PIWIL2: variants seen among roughly 807,000 people sequenced by gnomAD.
The protein encoded by PIWIL2 is piwi like RNA-mediated gene silencing 2.
Under a neutral mutation model 116.5 loss-of-function variants are expected in PIWIL2, and 81 were observed. The observed-to-expected ratio is 0.70, with a 90% CI of 0.58 to 0.84. The LOEUF is 0.84. Among genes scored for constraint, PIWIL2 ranks in the 40% least tolerant of loss-of-function variants. PIWIL2 has a pLI of 0.00. For missense variants in PIWIL2, 1,272 were observed against 1,212.3 expected, an observed-to-expected ratio of 1.05 and a Z score of -0.73; for synonymous variants, 489 against 429.5, an observed-to-expected ratio of 1.14 and a Z score of -1.71.
Position 22,280,499 on chromosome 8 carries a change from A to G in PIWIL2, c.199-621A>G, listed in dbSNP as rs191549439. Among the ~76,000 whole-genome samples, 246 of 152,366 alleles carry G rather than the reference A, an allele frequency of 1.6e-3. 1 individual carries two copies. Among genetic ancestry groups the G allele is most frequent in the Admixed American group, 3.7e-3 (56 of 15,308 alleles). On this transcript the variant is annotated intron_variant, in intron 2 of 22. Coordinates refer to ENST00000356766, the MANE Select transcript of PIWIL2 (RefSeq NM_018068.5). ...TATGATTATTTTAAGTAGAGTTTAC[A>G]TTTGTCAAATGTATTATTTTTATAA...
chr8:22,347,187 A>C (rs937362087), intron 20 of PIWIL2, among the ~76,000 whole-genome samples: 25 of 149,992 alleles, frequency 1.7e-4, no homozygotes, highest in Non-Finnish European at 3.0e-4. Context: ...AAAAAAAAAA[A>C]GTAGCAAATT....
At chr8:22,332,189 C>T (rs1300832449) in intron 20 of PIWIL2, among the ~76,000 whole-genome samples, 1 of 152,110 alleles carries the variant, frequency 6.6e-6, no homozygotes, top group Non-Finnish European at 1.5e-5. Context: ...CCTGTAATCC[C>T]AGCTTCTCAG....
intron 10 of PIWIL2, among the ~76,000 whole-genome samples, chr8:22,297,106 A>G (rs1359302520): frequency 1.3e-5 from 2 of 151,818 alleles, no homozygotes; most frequent in Non-Finnish European, 2.9e-5. Context: ...CTCCCACCTC[A>G]GTCTCCCAAG....
chr8:22,347,013 AT>A (rs1036464565), intron 20 of PIWIL2, among the ~76,000 whole-genome samples: 34 of 151,896 alleles, frequency 2.2e-4, no homozygotes, highest in African/African-American at 7.3e-4. Flanking sequence ...GTATAAAAAA[AT>A]TTTTAAGTTA....
intron 20 of PIWIL2, among the ~76,000 whole-genome samples, chr8:22,332,055 C>A (rs1458406156): frequency 1.3e-5 from 2 of 152,080 alleles, no homozygotes; most frequent in Admixed American, 6.6e-5. Context: ...AGCCTGTAAT[C>A]GCAGCATTTT....
chr8:22,283,352 A>G, intron 5 of PIWIL2, 112 bp downstream of exon 5: 1 of 764,338 alleles, frequency 1.3e-6, no homozygotes, highest in Non-Finnish European at 2.2e-6. Flanking sequence ...CTGGGTAATA[A>G]TACTGCGGGG....
intron 20 of PIWIL2, among the ~76,000 whole-genome samples, chr8:22,348,718 G>A (rs909578563): frequency 6.6e-6 from 1 of 152,178 alleles, no homozygotes; most frequent in Non-Finnish European, 1.5e-5. Context: ...GAGCCCAGAA[G>A]GTTGAGTGAC....
At position 22,288,568 on chromosome 8, in the gene PIWIL2, AACAG is replaced by A. The variant is rs1830683984; in HGVS notation, c.893_896del (p.Asp298ValfsTer10). 1.9e-6 allele frequency: 3 copies of A among 1,613,010 alleles called. No homozygotes were observed. Among genetic ancestry groups the A allele is most frequent in the Non-Finnish European group, 1.7e-6 (2 of 1,179,116 alleles). On this transcript the variant is annotated frameshift_variant, in exon 8 of 23. Coordinates refer to ENST00000356766, the MANE Select transcript of PIWIL2 (RefSeq NM_018068.5). LOFTEE classifies it high-confidence loss of function. ...TTCTTGAGTTAAAAAGTCAAAGGAA[AACAG>A]ACAGTGCTGAAATCAGCATTAAGAT...
In PIWIL2 at chr8:22,355,533, G is replaced by A. The variant is rs773520260; in HGVS notation, c.*28G>A. 3 of 1,604,608 alleles carry A rather than the reference G, an allele frequency of 1.9e-6. No homozygotes were observed. Among genetic ancestry groups the A allele is most frequent in the Admixed American group, 1.7e-5 (1 of 59,528 alleles). On this transcript the variant is annotated 3_prime_UTR_variant, in exon 23 of 23. Transcript: ENST00000356766. The stretch of plus-strand genomic sequence containing the variant: ...GCACAGCTTGGAGATGGGCTGGTGA[G>A]AAGAAAGGCGGCCTCAGAACTCAGC...
At chr8:22,275,523 G>A (rs766268454) in intron 1 of PIWIL2, 125 bp downstream of exon 1, 2 of 152,376 alleles carry the variant, frequency 1.3e-5, no homozygotes, top group Non-Finnish European at 2.9e-5. Flanking sequence ...CCCACTTCGG[G>A]GAGCTGCTGA....
chr8:22,302,471 G>A (rs765591448), intron 10 of PIWIL2, among the ~76,000 whole-genome samples: 3 of 152,080 alleles, frequency 2.0e-5, no homozygotes, highest in South Asian at 2.1e-4. Context: ...GAGCTACTGC[G>A]CCCAGCCTAT....
At chr8:22,331,708 G>A (rs998345797) in intron 20 of PIWIL2, among the ~76,000 whole-genome samples, 5 of 152,036 alleles carry the variant, frequency 3.3e-5, no homozygotes, top group East Asian at 3.8e-4. Context: ...TCACAGTTTC[G>A]GAAGTCAGAA....
chr8:22,276,609 C>T (rs990130527), intron 1 of PIWIL2, among the ~76,000 whole-genome samples: 3 of 152,154 alleles, frequency 2.0e-5, no homozygotes, highest in Non-Finnish European at 2.9e-5. Flanking sequence ...CCACCACCCC[C>T]GGCCAAGACA....
At chr8:22,334,701 C>T (rs927792417) in intron 20 of PIWIL2, among the ~76,000 whole-genome samples, 2 of 151,998 alleles carry the variant, frequency 1.3e-5, no homozygotes, top group African/African-American at 2.4e-5. Context: ...TTACCTCAGC[C>T]TCCCAAAGCA....
rs112554245 is a variant in PIWIL2 at position 22,337,341 on chromosome 8, A to T, written c.2404-15618A>T. Among the ~76,000 whole-genome samples, 1,046 of 152,328 alleles carry T rather than the reference A, an allele frequency of 6.9e-3. 10 individuals carry two copies. The highest frequency in any genetic ancestry group is 0.024 in the African/African-American group (1,011 of 41,574). On this transcript the variant is annotated intron_variant, in intron 20 of 22. Coordinates refer to ENST00000356766, the MANE Select transcript of PIWIL2 (RefSeq NM_018068.5). ...AGATCAGTATATAATAATCAGTTGT[A>T]TTTCTGTACACTAGAATGATCAATC...
At position 22,279,406 on chromosome 8, in the gene PIWIL2, C is replaced by T. The variant is rs981918310; in HGVS notation, c.20C>T (p.Ser7Leu). 1.9e-5 allele frequency: 31 copies of T among 1,614,014 alleles called. No individual in the cohort carries two copies. The highest frequency in any genetic ancestry group is 2.4e-5 in the Non-Finnish European group (28 of 1,179,982). The change falls in exon 2 of 23, where the codon TCG (serine) becomes TTG (leucine). Residue 7 changes from serine (S) to leucine (L), a missense_variant. Physicochemically the swap from Ser to Leu is moderately radical, Grantham distance 145. Coordinates refer to ENST00000356766, the MANE Select transcript of PIWIL2 (RefSeq NM_018068.5). MDPFRPSFRGQSPIHPS... is the reference protein window; with the variant it reads MDPFRPLFRGQSPIHPS... Reference sequence around the variant, plus strand: ...CCGTCCATGGATCCTTTCCGACCATCGTTCAGGGGCCAGTCTCCTATCCAC... The same window carrying T: ...CCGTCCATGGATCCTTTCCGACCATTGTTCAGGGGCCAGTCTCCTATCCAC...
intron 19 of PIWIL2, among the ~76,000 whole-genome samples, chr8:22,317,664 TA>T (rs1563394185): frequency 1.3e-5 from 2 of 150,430 alleles, no homozygotes; most frequent in Non-Finnish European, 3.0e-5. Context: ...TTTATTTATT[TA>T]TTTATTTTTT....
In PIWIL2 at chr8:22,352,604, T is replaced by C. The variant is rs1410497958; in HGVS notation, c.2404-355T>C. Among the ~76,000 whole-genome samples the C allele has an allele frequency of 2.0e-5, 3 of 152,316 alleles. No individual in the cohort carries two copies. The East Asian group carries it at 5.8e-4, about 29-fold the overall frequency. On this transcript the variant is annotated intron_variant, in intron 20 of 22. Transcript: ENST00000356766. ...ACCTTATTCTTTGCCCCGACAGTTA[T>C]TAGTGTTAAATCCAAGTAGAAGGAA...
chr8:22,320,951 T>G (rs1308030599), intron 20 of PIWIL2, among the ~76,000 whole-genome samples: 1 of 151,322 alleles, frequency 6.6e-6, no homozygotes, highest in Non-Finnish European at 1.5e-5. Flanking sequence ...TCTTGATTCC[T>G]TTTCCATCTC....
Sources: gnomAD v4.1 joint callset for allele counts (sites outside exome capture counted in the v4.1 genomes callset) on GRCh38, gnomAD v4.1.1 for gene constraint, MANE v1.5 for transcripts, NCBI Gene and HGNC (gene_info 2026-07-23, HGNC 2026-07-21) for gene names.